The following LRRC53 variants were observed in gnomAD, a reference collection of about 807,000 sequenced individuals.
The protein encoded by LRRC53 is leucine-rich repeat-containing protein 53.
A neutral mutation model predicts 13.6 loss-of-function variants in LRRC53; 25 were observed. The observed-to-expected ratio is 1.83, with a 90% CI of 1.34 to 2.56. The LOEUF is 2.56. Among genes scored for constraint, LRRC53 ranks in the 30% most tolerant of loss-of-function variants. The pLI, the probability that LRRC53 is intolerant of heterozygous loss-of-function variation, is 0.00. For missense variants in LRRC53, 527 were observed against 275.8 expected, an observed-to-expected ratio of 1.91 and a Z score of -6.45; for synonymous variants, 204 against 109.8, an observed-to-expected ratio of 1.86 and a Z score of -5.37.
At chr1:74,517,523 G>A (rs1482356947), upstream of LRRC53, among the ~76,000 whole-genome samples, 1 of 152,186 alleles carries the variant, frequency 6.6e-6, no homozygotes, top group Non-Finnish European at 1.5e-5. Flanking sequence ...AATCAGAGCA[G>A]GAGTAGCCTT....
chr1:74,505,974 T>TA (rs938660863), intron 1 of LRRC53, among the ~76,000 whole-genome samples: 38 of 152,248 alleles, frequency 2.5e-4, no homozygotes, highest in African/African-American at 8.9e-4. Flanking sequence ...AAAGAGAAAG[T>TA]AAAAAAATGA....
chr1:74,507,782 C>A (rs532035707), intron 1 of LRRC53, among the ~76,000 whole-genome samples: 208 of 152,312 alleles, frequency 1.4e-3, no homozygotes, highest in South Asian at 8.3e-3. Flanking sequence ...GAGCTACCGT[C>A]ATCCAGGAAC....
At chr1:74,490,129 G>C (rs1359377950) in intron 1 of LRRC53, among the ~76,000 whole-genome samples, 1 of 149,466 alleles carries the variant, frequency 6.7e-6, no homozygotes, top group African/African-American at 2.5e-5. Flanking sequence ...TGCAGTTACA[G>C]CCTGCAGTGA....
intron 1 of LRRC53, among the ~76,000 whole-genome samples, chr1:74,510,430 C>T (rs926541840): frequency 4.5e-4 from 69 of 152,238 alleles, no homozygotes; most frequent in Non-Finnish European, 1.2e-4. Flanking sequence ...ATGGCTTGAA[C>T]CCGGGAGGTG....
chr1:74,524,126 T>C, the LRRC53 span, among the ~76,000 whole-genome samples: 1 of 152,236 alleles, frequency 6.6e-6, no homozygotes, highest in Admixed American at 6.5e-5. Flanking sequence ...CCAGTAGTAT[T>C]TGTGGCAGTG....
chr1:74,475,116 CCA>C (rs3058791), intron 4 of LRRC53, among the ~76,000 whole-genome samples, 177 bp downstream of exon 4: 6,969 of 135,804 alleles, frequency 0.051, 340 homozygotes, highest in African/African-American at 0.14. Context: ...CCACCTCAGC[CCA>C]CACACACACA....
At chr1:74,513,885 C>T (rs1029840991), upstream of LRRC53, among the ~76,000 whole-genome samples, 1 of 152,204 alleles carries the variant, frequency 6.6e-6, no homozygotes, top group African/African-American at 2.4e-5. Flanking sequence ...GCCACAACCG[C>T]ATCTGCAAAG....
At chr1:74,490,879 G>T (rs1326220428) in intron 1 of LRRC53, among the ~76,000 whole-genome samples, 1 of 152,166 alleles carries the variant, frequency 6.6e-6, no homozygotes, top group African/African-American at 2.4e-5. Context: ...ATGTCCTGCA[G>T]CAGAGCCAAA....
At chr1:74,475,896 G>T (rs1466167220) in intron 3 of LRRC53, 86 bp from the exon 4 acceptor site, 6 of 514,550 alleles carry the variant, frequency 1.2e-5, no homozygotes, top group Non-Finnish European at 2.1e-5. Context: ...AAATATAAAG[G>T]TTAATGGCTT....
upstream of LRRC53, among the ~76,000 whole-genome samples, chr1:74,517,174 T>A (rs939202950): frequency 1.2e-4 from 18 of 152,118 alleles, no homozygotes; most frequent in African/African-American, 4.3e-4. Context: ...ATGCAACATA[T>A]CTTGTAGGGG....
chr1:74,530,992 A>G, the LRRC53 span, among the ~76,000 whole-genome samples: 48 of 152,188 alleles, frequency 3.2e-4, no homozygotes, highest in Admixed American at 1.2e-3. Flanking sequence ...TTCCTTATTC[A>G]TAATTCTTTG....
chr1:74,512,766 G>A (rs1379127028), upstream of LRRC53, among the ~76,000 whole-genome samples: 1 of 152,080 alleles, frequency 6.6e-6, no homozygotes, highest in African/African-American at 2.4e-5. Context: ...TACCACTGAC[G>A]GGTTGCTATT....
At chr1:74,487,817 A>G (rs1219581276) in intron 1 of LRRC53, among the ~76,000 whole-genome samples, 2 of 152,194 alleles carry the variant, frequency 1.3e-5, no homozygotes, top group African/African-American at 4.8e-5. Context: ...AATGGCTTCC[A>G]AGTACCAGTG....
At chr1:74,516,497 A>G (rs1214125012), upstream of LRRC53, among the ~76,000 whole-genome samples, 2 of 152,186 alleles carry the variant, frequency 1.3e-5, no homozygotes, top group African/African-American at 4.8e-5. Flanking sequence ...TATGTGAGAA[A>G]AACTGTGAGA....
At chr1:74,534,272 A>G in the LRRC53 span, among the ~76,000 whole-genome samples, 1 of 152,122 alleles carries the variant, frequency 6.6e-6, no homozygotes, top group Non-Finnish European at 1.5e-5. Flanking sequence ...AATTCACCAA[A>G]TCAAAGTTCC....
At chr1:74,480,075 G>A (rs914018473) in intron 3 of LRRC53, 78 bp downstream of exon 3, 2 of 632,156 alleles carry the variant, frequency 3.2e-6, no homozygotes, top group Non-Finnish European at 5.8e-6. Flanking sequence ...AAGTGTCTGA[G>A]ATAAGCATCA....
intron 1 of LRRC53, among the ~76,000 whole-genome samples, chr1:74,498,457 ACAGAAATTCTCTTCTTTTTTGTTTTGTT>A (rs1669446787): frequency 6.6e-6 from 1 of 152,178 alleles, no homozygotes; most frequent in Admixed American, 6.5e-5. Context: ...TATGTTAAAA[ACAGAAATTCTCTTCTTTTTTGTTTTGTT>A]CAGGTGCCTA....
At chr1:74,507,768 G>A (rs1365638345) in intron 1 of LRRC53, among the ~76,000 whole-genome samples, 1 of 152,160 alleles carries the variant, frequency 6.6e-6, no homozygotes, top group South Asian at 2.1e-4. Context: ...GTGTACTATG[G>A]CATGAGCTAC....
chr1:74,493,081 C>T (rs1357956644), intron 1 of LRRC53, among the ~76,000 whole-genome samples: 2 of 152,142 alleles, frequency 1.3e-5, no homozygotes, highest in African/African-American at 4.8e-5. Flanking sequence ...AAGGCCTTCT[C>T]TCCAATTTAG....
Sources: gnomAD v4.1 joint callset for allele counts (sites outside exome capture counted in the v4.1 genomes callset) on GRCh38, gnomAD v4.1.1 for gene constraint, MANE v1.5 for transcripts, NCBI Gene and HGNC (gene_info 2026-07-23, HGNC 2026-07-21) for gene names.